The following ATF7IP variants were observed in gnomAD, a reference collection of about 807,000 sequenced individuals.
ATF7IP encodes the protein activating transcription factor 7 interacting protein, also known as activating transcription factor 7-interacting protein 1.
Under a neutral mutation model 106.4 loss-of-function variants are expected in ATF7IP, and 23 were observed. That is an observed-to-expected ratio of 0.22 (90% CI 0.16 to 0.31). The LOEUF (loss-of-function observed/expected upper bound fraction) is 0.31. ATF7IP is among the 10% of genes least tolerant of loss of function. The probability of loss-of-function intolerance (pLI) is 1.00; values close to 1 mark genes in which losing one functional copy is unlikely to be tolerated. For synonymous variants in ATF7IP, 542 were observed against 539.0 expected (o/e 1.01, Z -0.08); for missense variants, 1,334 against 1,524.3 (o/e 0.88, Z 2.08).
chr12:14,421,255 A>G (rs1460620994), intron 1 of ATF7IP, among the ~76,000 whole-genome samples: 1 of 152,170 alleles, frequency 6.6e-6, no homozygotes, highest in Non-Finnish European at 1.5e-5. Flanking sequence ...TCAAATGAAT[A>G]TTCTGTATTT....
At chr12:14,422,346 CACACACACACAA>C (rs1271844834) in intron 1 of ATF7IP, among the ~76,000 whole-genome samples, 4 of 147,588 alleles carry the variant, frequency 2.7e-5, no homozygotes, top group African/African-American at 8.0e-5. Context: ...CACACACACA[CACACACACACAA>C]CCTTTGTATT....
chr12:14,448,172 C>G (rs944107428), intron 6 of ATF7IP, among the ~76,000 whole-genome samples: 1 of 151,922 alleles, frequency 6.6e-6, no homozygotes, highest in Non-Finnish European at 1.5e-5. Context: ...AATCATTTTT[C>G]CTAGAGGTTT....
Position 14,424,041 on chromosome 12 carries a change from G to A in ATF7IP, c.126G>A (p.Lys42=), listed in dbSNP as rs758739650. 2 of 1,614,146 alleles carry A rather than the reference G, an allele frequency of 1.2e-6. No homozygotes were observed. The highest frequency in any genetic ancestry group is 2.2e-5 in the East Asian group (1 of 44,870). ...VKEELLKTDV[K]LLNGNHENGD... Reference sequence around the variant, plus strand: ...AAGAACTGTTGAAAACTGATGTCAAGCTGTTAAATGGCAACCATGAAAATG... The same window carrying A: ...AAGAACTGTTGAAAACTGATGTCAAACTGTTAAATGGCAACCATGAAAATG... Residue 42 remains lysine (K), a synonymous_variant, in exon 2 of 15, where the codon AAG becomes AAA. Transcript: ENST00000261168.
chr12:14,470,657 T>TAC (rs1012454275), intron 10 of ATF7IP, among the ~76,000 whole-genome samples: 1 of 152,196 alleles, frequency 6.6e-6, no homozygotes, highest in African/African-American at 2.4e-5. Context: ...AGCTAGTACT[T>TAC]ACCACATAGA....
At chr12:14,437,869 C>T (rs573148380) in intron 4 of ATF7IP, among the ~76,000 whole-genome samples, 22 of 151,972 alleles carry the variant, frequency 1.4e-4, no homozygotes, top group African/African-American at 4.3e-4. Context: ...CCGGCTAAAA[C>T]GGTGAAACCC....
chr12:14,429,944 A>G (rs373410334), intron 2 of ATF7IP, among the ~76,000 whole-genome samples: 1 of 152,316 alleles, frequency 6.6e-6, no homozygotes, highest in South Asian at 2.1e-4. Flanking sequence ...TTAGATGTGT[A>G]AGTCTGGATT....
chr12:14,385,227 T>G, intron 1 of ATF7IP: 1 of 546,574 alleles, frequency 1.8e-6, no homozygotes, highest in Non-Finnish European at 3.1e-6. Context: ...GTTTGTTACA[T>G]AGCTGAGTTT....
intron 10 of ATF7IP, among the ~76,000 whole-genome samples, chr12:14,469,072 G>C (rs1943941715): frequency 6.6e-6 from 1 of 152,098 alleles, no homozygotes; most frequent in Non-Finnish European, 1.5e-5. Context: ...TAGATCAGAA[G>C]AAATCTGGAT....
At chr12:14,422,335 AC>A (rs1303434686) in intron 1 of ATF7IP, among the ~76,000 whole-genome samples, 3 of 151,600 alleles carry the variant, frequency 2.0e-5, no homozygotes, top group African/African-American at 7.3e-5. Flanking sequence ...ACACACACAC[AC>A]ACACACACAC....
chr12:14,404,004 A>G (rs527361556), intron 1 of ATF7IP, among the ~76,000 whole-genome samples: 1 of 152,046 alleles, frequency 6.6e-6, no homozygotes, highest in East Asian at 1.9e-4. Flanking sequence ...CCCCCGTCTC[A>G]CTTGAATTTG....
intron 14 of ATF7IP, among the ~76,000 whole-genome samples, chr12:14,497,430 G>A (rs1400609658): frequency 3.3e-5 from 5 of 152,040 alleles, no homozygotes; most frequent in Non-Finnish European, 7.4e-5. Flanking sequence ...AATATTTTAG[G>A]TCTAGGAAGT....
chr12:14,394,395 A>G (rs775546551), intron 1 of ATF7IP, among the ~76,000 whole-genome samples: 9 of 152,192 alleles, frequency 5.9e-5, no homozygotes, highest in Non-Finnish European at 1.0e-4. Flanking sequence ...TATAAGAATT[A>G]TAAATTGGTT....
chr12:14,413,505 A>G (rs1230158632), intron 1 of ATF7IP, among the ~76,000 whole-genome samples: 1 of 152,196 alleles, frequency 6.6e-6, no homozygotes, highest in African/African-American at 2.4e-5. Flanking sequence ...GATGAAATGC[A>G]TAAGAAGGGT....
rs145809172 is a variant in ATF7IP, at chr12:14,401,604, A to T, written c.-7-22305A>T. Reference sequence around the variant, plus strand: ...TACTCTTTTTTTTTTTGTACTTAAGATAATAATGCTTTGTTATATGCTGTC... The same window carrying T: ...TACTCTTTTTTTTTTTGTACTTAAGTTAATAATGCTTTGTTATATGCTGTC... On this transcript the variant is annotated intron_variant, in intron 1 of 14. Coordinates refer to ENST00000261168, the MANE Select transcript of ATF7IP (RefSeq NM_018179.5). Among the ~76,000 whole-genome samples, 5 of 150,680 alleles carry T rather than the reference A, an allele frequency of 3.3e-5. No individual in the cohort carries two copies. In the South Asian group the frequency reaches 1.0e-3, roughly 31 times the overall value.
At chr12:14,368,981 G>A (rs964217754) in intron 1 of ATF7IP, among the ~76,000 whole-genome samples, 2 of 150,778 alleles carry the variant, frequency 1.3e-5, no homozygotes, top group Non-Finnish European at 2.9e-5. Context: ...ATAGGATCTT[G>A]CTCTGCTGCG....
chr12:14,381,883 C>A (rs1330951735), intron 1 of ATF7IP, among the ~76,000 whole-genome samples: 1 of 128,960 alleles, frequency 7.8e-6, no homozygotes, highest in African/African-American at 2.9e-5. Context: ...TTTTTTCTTT[C>A]TTTACTAATT....
At chr12:14,447,342 C>T (rs1405081905) in intron 6 of ATF7IP, among the ~76,000 whole-genome samples, 1 of 143,172 alleles carries the variant, frequency 7.0e-6, no homozygotes, top group Non-Finnish European at 1.5e-5. Context: ...AGTGCAGTGG[C>T]ACCATCTTGG....
At position 14,459,672 on chromosome 12, in the gene ATF7IP, C is replaced by T. The variant is rs112276521; in HGVS notation, c.2159-823C>T. ...GGGTCTCAGAAAACCCCAGGCACCC[C>T]GCTGGACCACACTTTGAGAAACTGC... On this transcript the variant is annotated intron_variant, in intron 8 of 14. Transcript: ENST00000261168. 4.6e-3 allele frequency among the ~76,000 whole-genome samples: 699 copies of T among 152,244 alleles called. 2 individuals are homozygous for T. Among genetic ancestry groups the T allele is most frequent in the East Asian group, 0.015 (79 of 5,182 alleles).
intron 4 of ATF7IP, among the ~76,000 whole-genome samples, chr12:14,436,639 C>T (rs1281377415): frequency 6.6e-6 from 1 of 152,104 alleles, no homozygotes; most frequent in East Asian, 1.9e-4. Context: ...TGGCAGTGAG[C>T]CGAGATCATG....
Sources: gnomAD v4.1 joint callset for allele counts (sites outside exome capture counted in the v4.1 genomes callset) on GRCh38, gnomAD v4.1.1 for gene constraint, MANE v1.5 for transcripts, NCBI Gene and HGNC (gene_info 2026-07-23, HGNC 2026-07-21) for gene names.